The following SYNE2 variants were observed in gnomAD, a reference collection of about 807,000 sequenced individuals.
SYNE2 encodes the protein spectrin repeat containing nuclear envelope protein 2, also known as nesprin-2.
SYNE2 carries 431 observed loss-of-function variants against 856.3 expected under a neutral mutation model. The observed-to-expected ratio is 0.50, with a 90% confidence interval of 0.47 to 0.55. SYNE2 has a LOEUF of 0.55. SYNE2 is among the 20% of genes least tolerant of loss of function. SYNE2 has a pLI of 0.00. For synonymous variants in SYNE2, 2,923 were observed against 2,872.3 expected (o/e 1.02, Z -0.56); for missense variants, 8,129 against 8,023.2 (o/e 1.01, Z -0.50).
At chr14:64,031,991 T>A (rs1026320817) in intron 45 of SYNE2, among the ~76,000 whole-genome samples, 38 of 152,178 alleles carry the variant, frequency 2.5e-4, no homozygotes, top group Non-Finnish European at 1.2e-4. Flanking sequence ...TAAACTGTAT[T>A]TGAGAGGATC....
upstream of SYNE2, among the ~76,000 whole-genome samples, chr14:63,848,699 A>G (rs1295788925): frequency 6.6e-6 from 1 of 152,198 alleles, no homozygotes. Flanking sequence ...TGGAATTTTT[A>G]AAATCTAATA....
intron 74 of SYNE2, among the ~76,000 whole-genome samples, chr14:64,128,980 G>T (rs2097980920): frequency 6.6e-6 from 1 of 152,224 alleles, no homozygotes; most frequent in East Asian, 1.9e-4. Flanking sequence ...TGCTGAACTT[G>T]TACTCCTCCT....
chr14:64,085,485 A>G (rs1361974184), intron 57 of SYNE2, among the ~76,000 whole-genome samples: 1 of 152,220 alleles, frequency 6.6e-6, no homozygotes, highest in South Asian at 2.1e-4. Context: ...GAATGTTTAT[A>G]TATAAATCTT....
At chr14:63,775,980 AAC>A (rs1447746256) in intron 1 of SYNE2, among the ~76,000 whole-genome samples, 2 of 152,230 alleles carry the variant, frequency 1.3e-5, no homozygotes, top group Non-Finnish European at 2.9e-5. Flanking sequence ...AGGGAGAGGC[AAC>A]ACACTGACCT....
chr14:64,056,027 A>G lies in SYNE2; in HGVS notation c.9828A>G (p.Glu3276=). 3 of 1,614,114 alleles carry G rather than the reference A, an allele frequency of 1.9e-6. No homozygotes were observed. The highest frequency in any genetic ancestry group is 2.5e-6 in the Non-Finnish European group (3 of 1,179,964). Residue 3276 remains glutamate, a synonymous_variant, in exon 49 of 116, where the codon GAA becomes GAG. Transcript: ENST00000555002. ...TRAVESITSL[E]AIIIPYRVDV... Reference sequence around the variant, plus strand: ...CAGTGGAGAGCATCACTTCCCTCGAAGCCATCATTATACCCTACAGAGTAG... The same window carrying G: ...CAGTGGAGAGCATCACTTCCCTCGAGGCCATCATTATACCCTACAGAGTAG...
chr14:63,961,700 A>G (rs2096316608), intron 9 of SYNE2, 75 bp downstream of exon 9: 2 of 1,029,886 alleles, frequency 1.9e-6, no homozygotes, highest in Admixed American at 3.9e-5. Context: ...AAATCAAGAT[A>G]TAATTTGCAT....
At position 64,021,358 on chromosome 14, in the gene SYNE2, A is replaced by C. The variant is rs1350118353; in HGVS notation, c.5195A>C (p.Lys1732Thr). The change falls in exon 36 of 116, where the codon AAG becomes ACG. Residue 1732 changes from lysine to threonine, a missense_variant. By Grantham distance (78) the Lys-to-Thr change is moderately conservative (BLOSUM62 -1). This residue lies in a region of SYNE2 where 2,422 missense variants were observed against 2,357.4 expected (regional missense o/e 1.03). Coordinates refer to ENST00000555002, the MANE Select transcript of SYNE2 (RefSeq NM_182914.3). ...TTGAACAAGATGGAACATGTACAGAAGTGCTTAACAGGAGAATCCAACTGC... is the reference window on the plus strand; with the variant it reads ...TTGAACAAGATGGAACATGTACAGACGTGCTTAACAGGAGAATCCAACTGC... ...SILNKMEHVQKCLTGESNCHA... is the reference protein window; with the variant it reads ...SILNKMEHVQTCLTGESNCHA... The C allele has an allele frequency of 6.2e-7, 1 of 1,614,164 alleles. No individual in the cohort carries two copies.
chr14:63,887,394 C>T lies in SYNE2; in HGVS notation c.-51-21704C>T, dbSNP rs113270847. ...AGAATTTTCCCTCTAGTTTCCATAC[C>T]GTCAGAGAACATCACTTAACTTTTC... On this transcript the variant is annotated intron_variant, in intron 1 of 115. Coordinates refer to ENST00000555002, the MANE Select transcript of SYNE2 (RefSeq NM_182914.3). Among the ~76,000 whole-genome samples the T allele has an allele frequency of 5.7e-3, 868 of 152,242 alleles. 5 individuals are homozygous for T. Among genetic ancestry groups the T allele is most frequent in the African/African-American group, 0.019 (778 of 41,520 alleles).
intron 51 of SYNE2, among the ~76,000 whole-genome samples, chr14:64,066,856 T>A (rs2097362211): frequency 6.6e-6 from 1 of 152,168 alleles, no homozygotes; most frequent in South Asian, 2.1e-4. Flanking sequence ...ACTGATAGAT[T>A]GAGTAGTGGC....
chr14:63,948,784 A>ATATG (rs1555393730), intron 6 of SYNE2, among the ~76,000 whole-genome samples: 7 of 17,108 alleles, frequency 4.1e-4, no homozygotes, highest in Non-Finnish European at 4.2e-4. Flanking sequence ...GTGTGTGTGT[A>ATATG]TATATATATA....
intron 78 of SYNE2, among the ~76,000 whole-genome samples, chr14:64,136,519 G>C (rs373112213): frequency 1.3e-5 from 2 of 151,998 alleles, no homozygotes; most frequent in Non-Finnish European, 2.9e-5. Flanking sequence ...TTTGAAAATA[G>C]CAAACCTTCT....
intron 23 of SYNE2, 25 bp from the exon 24 acceptor site, chr14:63,996,922 T>C: frequency 6.2e-7 from 1 of 1,607,796 alleles, no homozygotes; most frequent in Non-Finnish European, 8.5e-7. Flanking sequence ...CAGAAGCACA[T>C]TTCCTGCTTT....
Position 64,102,086 on chromosome 14 carries a change from CA to C in SYNE2, c.12492+45del, listed in dbSNP as rs746988030. On this transcript the variant is annotated intron_variant, in intron 64 of 115. Transcript: ENST00000555002. Reference sequence around the variant, plus strand: ...GCCACGCTTAGGGGTTACGAGGGCCCAGGGGGGAGCAGGGATCTCTTTCTGC... The same window carrying C: ...GCCACGCTTAGGGGTTACGAGGGCCCGGGGGGAGCAGGGATCTCTTTCTGC... 6.4e-5 allele frequency: 84 copies of C among 1,310,274 alleles called. No individual in the cohort carries two copies. In the African/African-American group the frequency reaches 8.2e-4, roughly 13 times the overall value. The allele number at this position is 1,310,274 out of a possible 1,614,324, so 81.2% of individuals were successfully genotyped here. A position where few individuals can be genotyped will look rare whatever the true frequency, so the allele number is the denominator to read the frequency against.
At position 64,158,810 on chromosome 14, in the gene SYNE2, G is replaced by A; in HGVS notation, c.15963+15G>A. The A allele has an allele frequency of 1.9e-6, 3 of 1,613,382 alleles. No homozygotes were observed. Among genetic ancestry groups the A allele is most frequent in the Non-Finnish European group, 2.5e-6 (3 of 1,179,596 alleles). ...AGAACCTTCAGGTAAATTAACCAGA[G>A]CTTGGCATGGTGCATTATTGGCAGG... On this transcript the variant is annotated intron_variant, in intron 86 of 115. Transcript: ENST00000555002.
At chr14:64,161,593 A>G (rs543221406) in intron 87 of SYNE2, among the ~76,000 whole-genome samples, 1 of 152,200 alleles carries the variant, frequency 6.6e-6, no homozygotes, top group Non-Finnish European at 1.5e-5. Context: ...TGCCAAAGAG[A>G]CATTCATAGG....
chr14:63,817,524 T>C (rs1889040443), intron 1 of SYNE2, among the ~76,000 whole-genome samples: 2 of 151,902 alleles, frequency 1.3e-5, no homozygotes, highest in Admixed American at 1.3e-4. Context: ...AGGTCATCAT[T>C]CTCCACCCAC....
At chr14:63,784,877 A>G (rs1051314538) in intron 1 of SYNE2, among the ~76,000 whole-genome samples, 4 of 152,176 alleles carry the variant, frequency 2.6e-5, no homozygotes, top group Non-Finnish European at 5.9e-5. Flanking sequence ...TATCATATGT[A>G]TAAGTGTACC....
chr14:63,946,899 G>A (rs747905791), intron 6 of SYNE2, among the ~76,000 whole-genome samples: 5 of 151,744 alleles, frequency 3.3e-5, no homozygotes, highest in Non-Finnish European at 5.9e-5. Context: ...GCCCAGGCTG[G>A]AGTGCAGTGG....
chr14:64,199,066 A>AG (rs1353848061), intron 99 of SYNE2, among the ~76,000 whole-genome samples: 1 of 152,204 alleles, frequency 6.6e-6, no homozygotes, highest in Non-Finnish European at 1.5e-5. Context: ...AAAATCATGG[A>AG]GGGGAAACGT....
Sources: gnomAD v4.1 joint callset for allele counts (sites outside exome capture counted in the v4.1 genomes callset) on GRCh38, gnomAD v4.1.1 for gene constraint, gnomAD v4.1.1 regional missense constraint, MANE v1.5 for transcripts, NCBI Gene and HGNC (gene_info 2026-07-23, HGNC 2026-07-21) for gene names.